The following ADGRV1 variants were observed in gnomAD, a reference collection of about 807,000 sequenced individuals.
The protein encoded by ADGRV1 is G-protein coupled receptor 98.
ADGRV1 carries 359 observed loss-of-function variants against 596.2 expected under a neutral mutation model. That is an observed-to-expected ratio of 0.60 (90% confidence interval 0.55 to 0.66). The LOEUF (loss-of-function observed/expected upper bound fraction) is 0.66. Among genes scored for constraint, ADGRV1 ranks in the 30% least tolerant of loss-of-function variants. The probability of loss-of-function intolerance (pLI) is 0.00; values close to 1 mark genes in which losing one functional copy is unlikely to be tolerated. For missense variants in ADGRV1, 7,274 were observed against 7,575.6 expected, an observed-to-expected ratio of 0.96 and a Z score of 1.48; for synonymous variants, 2,681 against 2,679.2, an observed-to-expected ratio of 1.00 and a Z score of -0.02.
chr5:91,001,152 A>G (rs1581754813), intron 85 of ADGRV1, among the ~76,000 whole-genome samples: 1 of 152,118 alleles, frequency 6.6e-6, no homozygotes, highest in African/African-American at 2.4e-5. Flanking sequence ...GTAATGGCTC[A>G]CTACAGCCTC....
At chr5:91,007,279 A>G (rs1782355800) in intron 85 of ADGRV1, among the ~76,000 whole-genome samples, 1 of 152,228 alleles carries the variant, frequency 6.6e-6, no homozygotes, top group Non-Finnish European at 1.5e-5. Context: ...CCTCTGGTTC[A>G]TTACAAGAAA....
chr5:90,840,963 C>A lies in ADGRV1; in HGVS notation c.16997C>A (p.Ala5666Asp). 1.4e-6 allele frequency: 2 copies of A among 1,412,258 alleles called. No homozygotes were observed. The highest frequency in any genetic ancestry group is 2.5e-5 in the Admixed American group (1 of 39,622). 87.5% of individuals were successfully genotyped at this position (1,412,258 alleles called of 1,614,324 possible). The change falls in exon 78 of 90, where the codon GCC becomes GAC. Residue 5666 changes from alanine (A) to aspartate (D), a missense_variant. Ala to Asp is a moderately radical substitution (Grantham distance 126, BLOSUM62 -2). Transcript: ENST00000405460. ...ATENTDEQLS[A>D]MMHLIEKITT... ...GAAAACACAGATGAACAACTCAGTG[C>A]CATGATGCATTTAATAGAAAAGGTA...
At chr5:90,863,719 G>C (rs774037851) in intron 82 of ADGRV1, 38 bp from the exon 83 acceptor site, 14 of 1,435,782 alleles carry the variant, frequency 9.8e-6, no homozygotes, top group Non-Finnish European at 1.4e-5. Context: ...AATCTTCATG[G>C]ATTATTAAAC....
intron 85 of ADGRV1, among the ~76,000 whole-genome samples, chr5:91,010,713 T>A (rs1448619498): frequency 6.6e-6 from 1 of 152,006 alleles, no homozygotes; most frequent in Non-Finnish European, 1.5e-5. Context: ...TTAATCAAAT[T>A]TGCATCCTAA....
chr5:90,742,675 A>T (rs534041244), intron 50 of ADGRV1, among the ~76,000 whole-genome samples: 1 of 152,222 alleles, frequency 6.6e-6, no homozygotes, highest in East Asian at 1.9e-4. Context: ...AAAAACTTAA[A>T]TGTTAGAAGA....
At chr5:91,136,580 AAAC>A (rs2126821621) in intron 87 of ADGRV1, among the ~76,000 whole-genome samples, 1 of 152,366 alleles carries the variant, frequency 6.6e-6, no homozygotes, top group African/African-American at 2.4e-5. Context: ...TTAGTAGTAA[AAAC>A]AACAATATCA....
chr5:90,853,522 CTAAAAAAT>C lies in ADGRV1; in HGVS notation c.17444_17451del (p.Leu5815GlnfsTer17). 6.2e-7 allele frequency: 1 copy of C among 1,609,420 alleles called. No individual in the cohort carries two copies. Among genetic ancestry groups the C allele is most frequent in the Non-Finnish European group, 8.5e-7 (1 of 1,177,130 alleles). ...TATAAGTGGAAACAATCTTCCTACC[CTAAAAAAT>C]AAGGTAATCTTTCATTCAAAACACT... is the stretch of plus-strand genomic sequence containing the variant. On this transcript the variant is annotated frameshift_variant, in exon 80 of 90. Coordinates refer to ENST00000405460, the MANE Select transcript of ADGRV1 (RefSeq NM_032119.4). LOFTEE classifies it high-confidence loss of function.
Position 90,745,073 on chromosome 5 carries a change from T to C in ADGRV1, c.10577T>C (p.Met3526Thr), listed in dbSNP as rs41311343. 47,080 of 1,613,534 alleles carry C rather than the reference T, an allele frequency of 0.029. 845 individuals are homozygous for C. Among genetic ancestry groups the C allele is most frequent in the Non-Finnish European group, 0.034 (40,205 of 1,179,486 alleles). ...IAHILLIGQD[M>T]SALYCWNSER... ...CACATACTTCTTATTGGCCAAGATATGTCTGCTCTTTACTGCTGGAATTCG... is the reference window on the plus strand; with the variant it reads ...CACATACTTCTTATTGGCCAAGATACGTCTGCTCTTTACTGCTGGAATTCG... Residue 3526 changes from methionine to threonine, a missense_variant, in exon 51 of 90, where the codon ATG becomes ACG. This residue lies in a region of ADGRV1 where 3,643 missense variants were observed against 3,809.2 expected (regional missense o/e 0.96). Transcript: ENST00000405460.
intron 85 of ADGRV1, among the ~76,000 whole-genome samples, chr5:91,015,943 T>C (rs2151167081): frequency 6.6e-6 from 1 of 152,140 alleles, no homozygotes; most frequent in South Asian, 2.1e-4. Flanking sequence ...GGCTTGTTCG[T>C]GAAGTTGCTT....
At chr5:90,602,633 G>A (rs1304411956) in intron 1 of ADGRV1, among the ~76,000 whole-genome samples, 1 of 152,108 alleles carries the variant, frequency 6.6e-6, no homozygotes, top group African/African-American at 2.4e-5. Context: ...AAACTCTGAG[G>A]AAATGTCACA....
chr5:90,720,870 TATATATTTCAA>T, intron 44 of ADGRV1, 54 bp from the exon 45 acceptor site: 1 of 1,336,128 alleles, frequency 7.5e-7, no homozygotes, highest in South Asian at 1.5e-5. Context: ...AGCAATATGA[TATATATTTCAA>T]ATATGTAGAA....
At chr5:91,003,334 G>T (rs947573518) in intron 85 of ADGRV1, among the ~76,000 whole-genome samples, 2 of 152,154 alleles carry the variant, frequency 1.3e-5, no homozygotes, top group East Asian at 1.9e-4. Context: ...TACAGGGACA[G>T]AATAATTATA....
chr5:90,658,227 A>C lies in ADGRV1; in HGVS notation c.4701A>C (p.Lys1567Asn). ...CTACTGCAAGATTAACAATACAAAA[A>C]AGTGACAATGCAAATGGCTTGTTTG... ...ENTTARLTIQ[K>N]SDNANGLFGF... The change falls in exon 21 of 90, where the codon AAA (lysine) becomes AAC (asparagine). Residue 1567 changes from lysine to asparagine, a missense_variant. Lys to Asn is a moderately conservative substitution (Grantham distance 94). This residue lies in a region of ADGRV1 where 3,643 missense variants were observed against 3,809.2 expected (regional missense o/e 0.96). Coordinates refer to ENST00000405460, the MANE Select transcript of ADGRV1 (RefSeq NM_032119.4). 2 of 1,548,428 alleles carry C rather than the reference A, an allele frequency of 1.3e-6. No individual in the cohort carries two copies. The highest frequency in any genetic ancestry group is 1.7e-6 in the Non-Finnish European group (2 of 1,147,422).
intron 50 of ADGRV1, among the ~76,000 whole-genome samples, chr5:90,737,396 G>A (rs2460181): frequency 0.5 from 75,545 of 151,618 alleles, 19,385 homozygotes; most frequent in African/African-American, 0.61. Context: ...AGAAGAAAGT[G>A]TATTCTATTG....
Position 90,685,771 on chromosome 5 carries a change from G to A in ADGRV1, c.6275-9G>A. 6.3e-7 allele frequency: 1 copy of A among 1,596,792 alleles called. No individual in the cohort carries two copies. The highest frequency in any genetic ancestry group is 1.7e-5 in the Admixed American group (1 of 59,650). The stretch of plus-strand genomic sequence containing the variant: ...TTTCTGTGTTCTGTGTGGATCTTCT[G>A]TCTTTCAGTTCCAAATTCTCCACGT... On this transcript the variant is annotated splice_polypyrimidine_tract_variant and intron_variant, in intron 28 of 89. Transcript: ENST00000405460.
chr5:91,051,037 A>G (rs1394761148), intron 85 of ADGRV1, among the ~76,000 whole-genome samples: 1 of 152,252 alleles, frequency 6.6e-6, no homozygotes. Context: ...GGAGATTAAA[A>G]TTAATGCTTG....
intron 85 of ADGRV1, among the ~76,000 whole-genome samples, chr5:91,011,751 A>G (rs867187678): frequency 5.9e-5 from 9 of 151,352 alleles, no homozygotes; most frequent in Middle Eastern, 3.4e-3. Context: ...TGATAAGGCC[A>G]GGGGGGAAAA....
At chr5:90,959,768 AGT>A (rs1777809668) in intron 83 of ADGRV1, among the ~76,000 whole-genome samples, 1 of 152,212 alleles carries the variant, frequency 6.6e-6, no homozygotes, top group African/African-American at 2.4e-5. Context: ...AATTATGCTG[AGT>A]GAAACAAACT....
intron 89 of ADGRV1, among the ~76,000 whole-genome samples, chr5:91,161,508 G>T (rs1254801193): frequency 1.0e-4 from 13 of 128,822 alleles, no homozygotes; most frequent in Non-Finnish European, 1.6e-4. Context: ...GTTTTTGTTA[G>T]TTTTTTTTTT....
Sources: allele counts gnomAD v4.1 joint callset (sites outside exome capture counted in the v4.1 genomes callset), GRCh38; gene constraint gnomAD v4.1.1; regional missense constraint gnomAD v4.1.1; transcripts MANE v1.5; gene names NCBI Gene and HGNC (gene_info 2026-07-23, HGNC 2026-07-21).